Variants in GLYATL2 observed in about 807,000 individuals in gnomAD.
The protein encoded by GLYATL2 is glycine-N-acyltransferase like 2.
In GLYATL2, 25 loss-of-function variants were observed where a neutral mutation model predicts 21.4. The ratio of observed to expected loss-of-function variants is 1.17; its 90% CI spans 0.85 to 1.63. The LOEUF (loss-of-function observed/expected upper bound fraction) is 1.63, where lower values mean the gene tolerates loss of function less well. GLYATL2 is among the 40% of genes most tolerant of loss of function. GLYATL2 has a pLI of 0.00. For synonymous variants in GLYATL2, 114 were observed against 118.2 expected, an observed-to-expected ratio of 0.96 and a Z score of 0.23; for missense variants, 361 against 343.3, an observed-to-expected ratio of 1.05 and a Z score of -0.41.
chr11:58,835,408 T>C (rs1348959597), intron 5 of GLYATL2, among the ~76,000 whole-genome samples: 1 of 152,218 alleles, frequency 6.6e-6, no homozygotes, highest in Non-Finnish European at 1.5e-5. Context: ...ACATTTTTGG[T>C]GCTAACCATT....
Position 58,855,753 on chromosome 11 carries a change from A to G in GLYATL2, n.61-17385T>C, listed in dbSNP as rs144921838. ...TTGTTTGGTGTAGCCACCTTCAACA[A>G]TTATCTTAGCTAGATCTTCTGGATA... On this transcript the variant is annotated intron_variant and non_coding_transcript_variant, in intron 1 of 4. Transcript: ENST00000533636. Among the ~76,000 whole-genome samples, 937 of 152,316 alleles carry G rather than the reference A, an allele frequency of 6.2e-3. 7 individuals are homozygous for G. The highest frequency in any genetic ancestry group is 0.022 in the African/African-American group (900 of 41,568).
chr11:58,850,402 G>C (rs1346248643), intron 1 of GLYATL2, among the ~76,000 whole-genome samples: 2 of 152,000 alleles, frequency 1.3e-5, no homozygotes, highest in Non-Finnish European at 1.5e-5. Context: ...AATAACAAGA[G>C]TTATACTAGA....
At chr11:58,854,050 G>A (rs1853786856) in intron 1 of GLYATL2, among the ~76,000 whole-genome samples, 1 of 152,164 alleles carries the variant, frequency 6.6e-6, no homozygotes, top group Non-Finnish European at 1.5e-5. Context: ...GGTAGATAAT[G>A]TGATATTTGT....
chr11:58,881,173 T>G (rs1448098801), intron 1 of GLYATL2, among the ~76,000 whole-genome samples: 2 of 152,232 alleles, frequency 1.3e-5, no homozygotes, highest in African/African-American at 4.8e-5. Flanking sequence ...GGTATGCATT[T>G]CATATGTATT....
At chr11:58,874,274 G>A (rs923072204) in intron 1 of GLYATL2, among the ~76,000 whole-genome samples, 9 of 151,960 alleles carry the variant, frequency 5.9e-5, no homozygotes, top group African/African-American at 2.2e-4. Context: ...AAGGCTTTTT[G>A]TGTCTCTATT....
intron 1 of GLYATL2, among the ~76,000 whole-genome samples, chr11:58,902,731 C>T (rs939082758): frequency 1.3e-5 from 2 of 152,180 alleles, no homozygotes; most frequent in African/African-American, 4.8e-5. Flanking sequence ...CAAAAGTATT[C>T]TCATCACATT....
upstream of GLYATL2, among the ~76,000 whole-genome samples, chr11:58,848,226 G>A (rs1853678177): frequency 1.3e-5 from 2 of 152,002 alleles, no homozygotes; most frequent in South Asian, 4.2e-4. Context: ...TTCCAACAAG[G>A]ATGGCTACAA....
chr11:58,846,444 A>C (rs1565091280), upstream of GLYATL2, among the ~76,000 whole-genome samples: 3 of 152,180 alleles, frequency 2.0e-5, no homozygotes, highest in African/African-American at 7.2e-5. Context: ...ACAGTAAAAA[A>C]CAGTCTTGAA....
At position 58,875,146 on chromosome 11, in the gene GLYATL2, A is replaced by G. The variant is rs546284602; in HGVS notation, n.60+29010T>C. ...TTTTTGTTTTCCATTTGCTTGGTAGATCTTCCTCCATCCCTTTATTTTGGG... is the reference window on the plus strand; with the variant it reads ...TTTTTGTTTTCCATTTGCTTGGTAGGTCTTCCTCCATCCCTTTATTTTGGG... On this transcript the variant is annotated intron_variant and non_coding_transcript_variant, in intron 1 of 4. Transcript: ENST00000533636. Among the ~76,000 whole-genome samples the G allele has an allele frequency of 9.5e-4, 145 of 152,110 alleles. 1 individual carries two copies. The highest frequency in any genetic ancestry group is 1.6e-3 in the Non-Finnish European group (106 of 67,990).
At chr11:58,836,935 T>C (rs1853441793) in intron 5 of GLYATL2, 80 bp downstream of exon 5, 3 of 1,276,664 alleles carry the variant, frequency 2.3e-6, no homozygotes, top group Middle Eastern at 3.8e-4. Flanking sequence ...TAGTCTCAAA[T>C]CCTACATTTC....
chr11:58,872,223 A>G (rs190823961), intron 1 of GLYATL2, among the ~76,000 whole-genome samples: 2,857 of 152,174 alleles, frequency 0.019, 40 homozygotes, highest in Middle Eastern at 0.075. Flanking sequence ...ATTTTCTCCC[A>G]TTCTGTAGGT....
intron 1 of GLYATL2, 22 bp from the exon 2 acceptor site, chr11:58,839,674 C>T (rs1853509732): frequency 8.4e-7 from 1 of 1,184,156 alleles, no homozygotes; most frequent in Non-Finnish European, 1.2e-6. Context: ...AACACAAAAA[C>T]AAAAATACCT....
At chr11:58,848,415 C>G (rs1426201994), upstream of GLYATL2, among the ~76,000 whole-genome samples, 1 of 152,072 alleles carries the variant, frequency 6.6e-6, no homozygotes, top group South Asian at 2.1e-4. Flanking sequence ...AGAGAGAATT[C>G]AGAATACCTG....
chr11:58,907,192 C>T, upstream of GLYATL2: 2 of 454,270 alleles, frequency 4.4e-6, no homozygotes, highest in Non-Finnish European at 8.9e-6. Flanking sequence ...TTAGGGGAAA[C>T]CTCTTCATAT....
upstream of GLYATL2, among the ~76,000 whole-genome samples, chr11:58,906,367 G>A (rs1418775549): frequency 6.6e-6 from 1 of 152,130 alleles, no homozygotes; most frequent in Non-Finnish European, 1.5e-5. Context: ...TTCCTTCCCT[G>A]GTGCCCTTTG....
At chr11:58,889,021 C>CT (rs11384510) in intron 1 of GLYATL2, among the ~76,000 whole-genome samples, 108,158 of 151,024 alleles carry the variant, frequency 0.72, 40,846 homozygotes, top group Middle Eastern at 0.87. Context: ...CAAATATGCT[C>CT]TTTTTTTTCA....
intron 1 of GLYATL2, among the ~76,000 whole-genome samples, chr11:58,841,441 T>C (rs1452951962): frequency 6.6e-6 from 1 of 152,216 alleles, no homozygotes; most frequent in Non-Finnish European, 1.5e-5. Flanking sequence ...CATGAGGATT[T>C]CATTGCCAGA....
At chr11:58,863,695 G>T (rs1853973123) in intron 1 of GLYATL2, among the ~76,000 whole-genome samples, 1 of 152,160 alleles carries the variant, frequency 6.6e-6, no homozygotes, top group Non-Finnish European at 1.5e-5. Context: ...CTGGAGGTTG[G>T]GTGTATGAGT....
At chr11:58,882,676 T>C (rs1854362225) in intron 1 of GLYATL2, among the ~76,000 whole-genome samples, 1 of 152,250 alleles carries the variant, frequency 6.6e-6, no homozygotes, top group African/African-American at 2.4e-5. Context: ...TCCTGAATGG[T>C]ACTGCCTAGG....
Sources: gnomAD v4.1 joint callset for allele counts (sites outside exome capture counted in the v4.1 genomes callset) on GRCh38, gnomAD v4.1.1 for gene constraint, MANE v1.5 for transcripts, NCBI Gene and HGNC (gene_info 2026-07-23, HGNC 2026-07-21) for gene names.